RBM4: variants seen among roughly 807,000 people sequenced by gnomAD.
RBM4 encodes RNA-binding protein 4.
RBM4 carries 7 observed loss-of-function variants against 29.5 expected under a neutral mutation model. The ratio of observed to expected loss-of-function variants is 0.24; its 90% CI spans 0.14 to 0.45. RBM4 has a LOEUF of 0.45. Among genes scored for constraint, RBM4 ranks in the 20% least tolerant of loss-of-function variants. The pLI, the probability that RBM4 is intolerant of heterozygous loss-of-function variation, is 1.00. For synonymous variants in RBM4, 220 were observed against 205.4 expected (o/e 1.07, Z -0.61); for missense variants, 387 against 502.3 (o/e 0.77, Z 2.19).
At chr11:66,651,888 A>G (rs1391732779) in intron 2 of RBM4, among the ~76,000 whole-genome samples, 1 of 150,846 alleles carries the variant, frequency 6.6e-6, no homozygotes, top group Non-Finnish European at 1.5e-5. Context: ...GCTCTGTTCT[A>G]TGGCATAATC....
chr11:66,660,345 GTCTC>G lies in RBM4; in HGVS notation c.413-5507_413-5504del, dbSNP rs1372468164. ...CAATTTCTTTTTTTTTGAGATGGGA[GTCTC>G]TCTTTTTTTTTTTTTTTTTTTGAGA... On this transcript the variant is annotated intron_variant, in intron 2 of 2. Transcript: ENST00000396053. Among the ~76,000 whole-genome samples the G allele has an allele frequency of 1.2e-4, 17 of 147,358 alleles. 1 individual carries two copies. The highest frequency in any genetic ancestry group is 1.1e-3 in the South Asian group (5 of 4,648).
downstream of RBM4, chr11:66,646,501 G>A: frequency 1.0e-6 from 1 of 990,200 alleles, no homozygotes; most frequent in Non-Finnish European, 1.2e-6. Flanking sequence ...TTCTTGCTTG[G>A]GCTTGTTTGG....
Position 66,643,530 on chromosome 11 carries a change from T to C in RBM4, c.493T>C (p.Cys165Arg), listed in dbSNP as rs778973643. The C allele has an allele frequency of 6.2e-7, 1 of 1,613,970 alleles. No homozygotes were observed. Among genetic ancestry groups the C allele is most frequent in the Admixed American group, 1.7e-5 (1 of 59,986 alleles). Residue 165 changes from cysteine (C) to arginine (R), a missense_variant, in exon 3 of 4, where the codon TGC (cysteine) becomes CGC (arginine). Cys to Arg is a radical substitution (Grantham distance 180, BLOSUM62 -3). This residue lies in a region of RBM4 where 281 missense variants were observed against 288.7 expected (regional missense o/e 0.97). Transcript: ENST00000310092. The surrounding 1 kb of genome is among the most constrained non-coding windows in gnomAD (Gnocchi z 6.1). ...GGGAGACCAGAGCGGCTGCTATCGG[T>C]GCGGGAAAGAGGGGCACTGGTCCAA... is the stretch of plus-strand genomic sequence containing the variant. Reference protein sequence around the residue: ...GMGDQSGCYRCGKEGHWSKEC... With the variant: ...GMGDQSGCYRRGKEGHWSKEC...
intron 2 of RBM4, among the ~76,000 whole-genome samples, chr11:66,653,527 T>TA (rs1938877598): frequency 6.6e-6 from 1 of 151,934 alleles, no homozygotes; most frequent in Admixed American, 6.6e-5. Flanking sequence ...ACGCCCAGCT[T>TA]ACTTTTGTAT....
chr11:66,666,348 G>C, exon 3 of RBM4: 1 of 1,011,348 alleles, frequency 9.9e-7, no homozygotes, highest in Non-Finnish European at 1.2e-6. Flanking sequence ...CAAAAGTTGT[G>C]ACGTTCTTGG....
intron 2 of RBM4, among the ~76,000 whole-genome samples, chr11:66,651,838 G>C (rs1938838824): frequency 6.6e-6 from 1 of 152,118 alleles, no homozygotes; most frequent in Admixed American, 6.5e-5. Context: ...GATTTCTCTG[G>C]AGTTTCTTTT....
chr11:66,663,103 A>G (rs772726841), intron 2 of RBM4, among the ~76,000 whole-genome samples: 1 of 152,242 alleles, frequency 6.6e-6, no homozygotes, highest in Non-Finnish European at 1.5e-5. Context: ...TTACACATCA[A>G]CATTTCCATA....
chr11:66,654,684 GT>G (rs144346052), intron 2 of RBM4, among the ~76,000 whole-genome samples: 169 of 122,240 alleles, frequency 1.4e-3, no homozygotes, highest in Middle Eastern at 4.3e-3. Flanking sequence ...GATTAATTTT[GT>G]TTTTTTTTTT....
intron 2 of RBM4, among the ~76,000 whole-genome samples, chr11:66,655,089 G>A (rs780224357): frequency 1.3e-5 from 2 of 151,676 alleles, no homozygotes; most frequent in Admixed American, 6.6e-5. Flanking sequence ...AGGTTCAAGC[G>A]ATTCTCCTGC....
intron 2 of RBM4, among the ~76,000 whole-genome samples, chr11:66,658,945 A>T (rs548101214): frequency 1.1e-3 from 165 of 147,038 alleles, no homozygotes; most frequent in East Asian, 6.1e-3. Flanking sequence ...TCAAAAAAAA[A>T]AAATATATAT....
intron 2 of RBM4, among the ~76,000 whole-genome samples, chr11:66,662,756 A>T (rs1939106360): frequency 6.6e-6 from 1 of 152,170 alleles, no homozygotes; most frequent in African/African-American, 2.4e-5. Flanking sequence ...ACCACCAGAG[A>T]TTTTGCTGAG....
chr11:66,647,847 G>A (rs1015598334), downstream of RBM4, among the ~76,000 whole-genome samples: 1 of 152,122 alleles, frequency 6.6e-6, no homozygotes, highest in African/African-American at 2.4e-5. Context: ...GGTCAGTGAA[G>A]GATTTTCAGA....
chr11:66,654,698 T>C (rs1477333531), intron 2 of RBM4, among the ~76,000 whole-genome samples: 1 of 149,372 alleles, frequency 6.7e-6, no homozygotes, highest in African/African-American at 2.5e-5. Flanking sequence ...TTTTTTTTTT[T>C]TTAGAGGCAA....
At chr11:66,644,772 CTTATCTT>C in intron 3 of RBM4, 1 of 868,280 alleles carries the variant, frequency 1.2e-6, no homozygotes, top group Non-Finnish European at 1.4e-6. Context: ...AAATACAAAA[CTTATCTT>C]TTATAAAGTT....
chr11:66,641,642 T>C (rs765187640), intron 2 of RBM4, among the ~76,000 whole-genome samples: 2 of 152,172 alleles, frequency 1.3e-5, no homozygotes, highest in Non-Finnish European at 2.9e-5. Context: ...CAGGACAAAT[T>C]ATCCTTATAT....
intron 1 of RBM4, chr11:66,639,301 G>A (rs1248249019): frequency 1.1e-5 from 2 of 178,434 alleles, no homozygotes; most frequent in Non-Finnish European, 2.4e-5. Flanking sequence ...TGGTTCCTAC[G>A]TGAGGAAAAG....
chr11:66,640,100 G>T lies in RBM4; in HGVS notation c.389G>T (p.Gly130Val). 1 of 1,614,208 alleles carries T rather than the reference G, an allele frequency of 6.2e-7. No homozygotes were observed. The highest frequency in any genetic ancestry group is 8.5e-7 in the Non-Finnish European group (1 of 1,180,044). The change falls in exon 2 of 4, where the codon GGC becomes GTC. Residue 130 changes from glycine (G) to valine (V), a missense_variant. Gly to Val is a moderately radical substitution (Grantham distance 109). Around this residue, in one of 2 missense-constraint regions of RBM4, gnomAD observed 106 missense variants for 213.6 expected, o/e 0.50. Coordinates refer to ENST00000310092, the MANE Select transcript of RBM4 (RefSeq NM_002896.4). ...RAEDAVEAIR[G>V]LDNTEFQGKR... ...GAGGATGCAGTGGAGGCCATCAGGGGCCTTGATAACACAGAGTTTCAAGGT... is the reference window on the plus strand; with the variant it reads ...GAGGATGCAGTGGAGGCCATCAGGGTCCTTGATAACACAGAGTTTCAAGGT...
chr11:66,640,539 GCGACACTTATAGGACCAGAATC>G, intron 2 of RBM4: 1 of 340,412 alleles, frequency 2.9e-6, no homozygotes, highest in Non-Finnish European at 5.3e-6. Flanking sequence ...AACATGTCAA[GCGACACTTATAGGACCAGAATC>G]CTTGTTAAGC....
intron 2 of RBM4, chr11:66,665,732 A>G (rs985041763): frequency 1.2e-5 from 16 of 1,363,592 alleles, no homozygotes; most frequent in Non-Finnish European, 1.5e-5. Context: ...ATCCCATGTA[A>G]TTACCTAGGA....
Sources: allele counts gnomAD v4.1 joint callset (sites outside exome capture counted in the v4.1 genomes callset), GRCh38; gene constraint gnomAD v4.1.1; regional missense constraint gnomAD v4.1.1; non-coding constraint Gnocchi (gnomAD v3.1); transcripts MANE v1.5; gene names NCBI Gene and HGNC (gene_info 2026-07-23, HGNC 2026-07-21).